Variants in NALCN observed in about 807,000 individuals in gnomAD.
NALCN encodes sodium leak channel NALCN.
Under a neutral mutation model 225.3 loss-of-function variants are expected in NALCN, and 111 were observed. That is an observed-to-expected ratio of 0.49 (90% CI 0.42 to 0.58). The LOEUF (loss-of-function observed/expected upper bound fraction) is 0.58. NALCN is among the 20% of genes least tolerant of loss of function. The pLI is 0.00. For missense variants in NALCN, 1,378 were observed against 2,202.4 expected (o/e 0.63, Z 7.49); for synonymous variants, 764 against 769.0 (o/e 0.99, Z 0.11).
intron 7 of NALCN, among the ~76,000 whole-genome samples, chr13:101,314,014 A>G (rs1366537611): frequency 6.6e-6 from 1 of 151,944 alleles, no homozygotes; most frequent in Non-Finnish European, 1.5e-5. Context: ...CTTTGTAGGG[A>G]CATGGATGAA....
chr13:101,146,833 T>C (rs1039473808), intron 15 of NALCN, among the ~76,000 whole-genome samples: 4 of 152,090 alleles, frequency 2.6e-5, no homozygotes, highest in Admixed American at 6.6e-5. Flanking sequence ...ACTGGGTAGA[T>C]AGTTCTATAA....
At chr13:101,253,235 C>G (rs1455026923) in intron 11 of NALCN, among the ~76,000 whole-genome samples, 1 of 152,058 alleles carries the variant, frequency 6.6e-6, no homozygotes, top group Non-Finnish European at 1.5e-5. Flanking sequence ...TCCAAAGTAA[C>G]AAAACAAGTC....
intron 11 of NALCN, among the ~76,000 whole-genome samples, chr13:101,255,536 G>C: frequency 6.6e-6 from 1 of 152,166 alleles, no homozygotes; most frequent in Non-Finnish European, 1.5e-5. Context: ...TCCTCCCAGA[G>C]AGATAAGCAT....
At position 101,140,415 on chromosome 13, in the gene NALCN, A is replaced by G. The variant is rs572714401; in HGVS notation, c.2118+2665T>C. On this transcript the variant is annotated intron_variant, in intron 17 of 43. Transcript: ENST00000251127. ...CCTTTTAGAGAGAAAATAAACTCAT[A>G]TTTCAATTTTGTGTTTCCAGTGGGG... 2.0e-5 allele frequency among the ~76,000 whole-genome samples: 3 copies of G among 152,214 alleles called. No homozygotes were observed. In the South Asian group the frequency reaches 6.2e-4, roughly 32 times the overall value.
intron 7 of NALCN, among the ~76,000 whole-genome samples, chr13:101,295,072 C>T (rs989944897): frequency 6.6e-6 from 1 of 151,978 alleles, no homozygotes; most frequent in Non-Finnish European, 1.5e-5. Flanking sequence ...GAACAGGCGC[C>T]CCCTCATGCA....
chr13:101,368,979 C>T (rs1412588050), intron 6 of NALCN: 2 of 354,558 alleles, frequency 5.6e-6, no homozygotes, highest in African/African-American at 2.2e-5. Context: ...GCACTCCAGC[C>T]TGGGTGTCAG....
At chr13:101,068,153 T>TA (rs1467869243) in intron 38 of NALCN, 120 bp from the exon 39 acceptor site, 4 of 650,102 alleles carry the variant, frequency 6.2e-6, no homozygotes, top group Non-Finnish European at 7.7e-6. Flanking sequence ...GCCAAATTTT[T>TA]AAAGTGCTTT....
At chr13:101,143,328 A>G (rs572134215) in intron 16 of NALCN, 107 bp from the exon 17 acceptor site, 1 of 1,178,704 alleles carries the variant, frequency 8.5e-7, no homozygotes, top group Admixed American at 3.1e-5. Context: ...CAGTGATAAA[A>G]GATCATAGAA....
chr13:101,370,417 G>C (rs1459414722), intron 6 of NALCN, among the ~76,000 whole-genome samples: 1 of 152,244 alleles, frequency 6.6e-6, no homozygotes, highest in Non-Finnish European at 1.5e-5. Flanking sequence ...ATAGTGTTAT[G>C]AATGGGAGCT....
Position 101,397,109 on chromosome 13 carries a change from T to TACACAC in NALCN, c.109-1745_109-1744insGTGTGT, listed in dbSNP as rs71121190. On this transcript the variant is annotated intron_variant, in intron 2 of 43. Coordinates refer to ENST00000251127, the MANE Select transcript of NALCN (RefSeq NM_052867.4). ...ATATATATATATATATATATATATA[T>TACACAC]ACATACACATACATATATATAATGT... is the stretch of plus-strand genomic sequence containing the variant. Among the ~76,000 whole-genome samples the TACACAC allele has an allele frequency of 2.8e-3, 223 of 80,946 alleles. 4 individuals carry two copies. The highest frequency in any genetic ancestry group is 9.3e-3 in the African/African-American group (209 of 22,516). 53.1% of individuals were successfully genotyped at this position (80,946 alleles called of 152,430 possible).
intron 14 of NALCN, among the ~76,000 whole-genome samples, chr13:101,182,966 C>T (rs2039300586): frequency 6.6e-6 from 1 of 152,152 alleles, no homozygotes; most frequent in Non-Finnish European, 1.5e-5. Flanking sequence ...TATTTTCCTA[C>T]AAACCCAGTG....
intron 7 of NALCN, among the ~76,000 whole-genome samples, chr13:101,323,487 C>T (rs2044829331): frequency 6.6e-6 from 1 of 152,154 alleles, no homozygotes. Context: ...TCCACAGGTC[C>T]CCTGCTATAA....
At chr13:101,391,231 A>C (rs2047135216) in intron 3 of NALCN, among the ~76,000 whole-genome samples, 1 of 152,206 alleles carries the variant, frequency 6.6e-6, no homozygotes, top group South Asian at 2.1e-4. Flanking sequence ...TAATCAAAAT[A>C]ACAAAAAAAT....
chr13:101,123,006 G>C (rs149910186), intron 18 of NALCN, among the ~76,000 whole-genome samples: 1 of 152,152 alleles, frequency 6.6e-6, no homozygotes, highest in Non-Finnish European at 1.5e-5. Context: ...CATAGTTTCC[G>C]GATGAGTGAG....
At chr13:101,377,832 GATCAAATCAA>G (rs767132351) in intron 4 of NALCN, among the ~76,000 whole-genome samples, 149 of 152,114 alleles carry the variant, frequency 9.8e-4, no homozygotes, top group Middle Eastern at 3.4e-3. Flanking sequence ...AATCAAAACA[GATCAAATCAA>G]ATCAATAGAA....
chr13:101,397,066 TTA>T (rs368771604), intron 2 of NALCN, among the ~76,000 whole-genome samples: 6,357 of 55,144 alleles, frequency 0.12, 244 homozygotes, highest in Non-Finnish European at 0.13. Flanking sequence ...TATGAATGTA[TTA>T]TATATATATA....
chr13:101,356,368 T>C (rs1431959029), intron 6 of NALCN, among the ~76,000 whole-genome samples: 1 of 152,046 alleles, frequency 6.6e-6, no homozygotes, highest in Admixed American at 6.5e-5. Flanking sequence ...AACGGGGATA[T>C]CACCACTGAC....
chr13:101,320,669 G>A (rs546903411), intron 7 of NALCN, among the ~76,000 whole-genome samples: 2 of 152,186 alleles, frequency 1.3e-5, no homozygotes, highest in Admixed American at 6.5e-5. Context: ...AGTTTTTCAG[G>A]TTCTTGGAAT....
At chr13:101,317,919 A>G (rs1382697376) in intron 7 of NALCN, among the ~76,000 whole-genome samples, 1 of 152,146 alleles carries the variant, frequency 6.6e-6, no homozygotes, top group Non-Finnish European at 1.5e-5. Context: ...TTTTTAACGT[A>G]TTGAAATGTC....
Sources: gnomAD v4.1 joint callset for allele counts (sites outside exome capture counted in the v4.1 genomes callset) on GRCh38, gnomAD v4.1.1 for gene constraint, MANE v1.5 for transcripts, NCBI Gene and HGNC (gene_info 2026-07-23, HGNC 2026-07-21) for gene names.